R3HCC1L: variants seen among roughly 807,000 people sequenced by gnomAD.
R3HCC1L encodes coiled-coil domain-containing protein R3HCC1L.
R3HCC1L carries 51 observed loss-of-function variants against 59.9 expected under a neutral mutation model. The observed-to-expected ratio is 0.85, with a 90% CI of 0.68 to 1.07. The LOEUF (loss-of-function observed/expected upper bound fraction) is 1.07. Among genes scored for constraint, R3HCC1L ranks in the 50% least tolerant of loss-of-function variants. R3HCC1L has a pLI of 0.00. For missense variants in R3HCC1L, 965 were observed against 933.0 expected (o/e 1.03, Z -0.45); for synonymous variants, 322 against 315.2 (o/e 1.02, Z -0.23).
rs144909368 is a variant in R3HCC1L at position 98,198,117 on chromosome 10, C to T, written c.-14-9984C>T. 4.6e-4 allele frequency among the ~76,000 whole-genome samples: 70 copies of T among 152,082 alleles called. 2 individuals are homozygous for T. The highest frequency in any genetic ancestry group is 1.3e-3 in the African/African-American group (54 of 41,500). On this transcript the variant is annotated intron_variant, in intron 4 of 9. Coordinates refer to ENST00000298999, the MANE Select transcript of R3HCC1L (RefSeq NM_001351015.2). ...TGAAATATCAGGGATAGTGACTTCCCGGGTTTTGGCTTGAACAAATGGGCT... is the reference window on the plus strand; with the variant it reads ...TGAAATATCAGGGATAGTGACTTCCTGGGTTTTGGCTTGAACAAATGGGCT...
chr10:98,150,816 T>C (rs7083015), intron 1 of R3HCC1L, among the ~76,000 whole-genome samples: 3,754 of 152,246 alleles, frequency 0.025, 146 homozygotes, highest in African/African-American at 0.081. Flanking sequence ...CCCCCTCCCC[T>C]CTTTGTCTCT....
intron 4 of R3HCC1L, among the ~76,000 whole-genome samples, chr10:98,179,044 T>C (rs1489239174): frequency 2.6e-5 from 4 of 152,214 alleles, no homozygotes; most frequent in Non-Finnish European, 5.9e-5. Context: ...CCTAATTGAA[T>C]ACCCTTTATT....
chr10:98,201,313 A>G (rs536894135), intron 4 of R3HCC1L, among the ~76,000 whole-genome samples: 1 of 152,322 alleles, frequency 6.6e-6, no homozygotes, highest in South Asian at 2.1e-4. Context: ...TGAATGCTTT[A>G]TATAAATATC....
chr10:98,239,698 ATTAT>A (rs752882499), intron 9 of R3HCC1L, among the ~76,000 whole-genome samples: 3 of 151,866 alleles, frequency 2.0e-5, no homozygotes, highest in African/African-American at 4.8e-5. Context: ...CTCTACTTTG[ATTAT>A]TTATTTATTT....
intron 4 of R3HCC1L, among the ~76,000 whole-genome samples, chr10:98,183,825 C>T (rs1590607221): frequency 6.6e-6 from 1 of 152,270 alleles, no homozygotes; most frequent in East Asian, 1.9e-4. Context: ...AATTACACAT[C>T]TGCGTATGCA....
At chr10:98,216,440 G>A (rs1371736060) in intron 5 of R3HCC1L, among the ~76,000 whole-genome samples, 1 of 152,140 alleles carries the variant, frequency 6.6e-6, no homozygotes, top group Non-Finnish European at 1.5e-5. Flanking sequence ...CTTGAGCCCA[G>A]GAGGCAGACG....
chr10:98,161,345 A>AT (rs1847396931), intron 2 of R3HCC1L, among the ~76,000 whole-genome samples: 1 of 151,918 alleles, frequency 6.6e-6, no homozygotes. Context: ...ATATATCTTC[A>AT]TTTTTCCATC....
chr10:98,211,344 CA>C, intron 5 of R3HCC1L: 1 of 1,533,166 alleles, frequency 6.5e-7, no homozygotes, highest in Non-Finnish European at 8.7e-7. Flanking sequence ...AACCACTGCT[CA>C]AAGGTAATAC....
intron 4 of R3HCC1L, among the ~76,000 whole-genome samples, chr10:98,167,396 C>G (rs190649241): frequency 6.6e-6 from 1 of 152,310 alleles, no homozygotes; most frequent in East Asian, 1.9e-4. Context: ...TTCACACCTG[C>G]TGGTATAGCT....
chr10:98,186,536 G>A, intron 4 of R3HCC1L: 3 of 979,858 alleles, frequency 3.1e-6, no homozygotes, highest in Non-Finnish European at 3.6e-6. Flanking sequence ...GAGTGTTCAA[G>A]TCTTCTGAGA....
Position 98,236,027 on chromosome 10 carries a change from T to C in R3HCC1L, c.2132T>C (p.Phe711Ser), listed in dbSNP as rs1590839280. 1 of 1,613,090 alleles carries C rather than the reference T, an allele frequency of 6.2e-7. No homozygotes were observed. The highest frequency in any genetic ancestry group is 1.1e-5 in the South Asian group (1 of 91,046). ...TCCCTTCCTTTCTTCGATTCAGAGT[T>C]CCTCCAGCCAGCAAAGGAGCGTCCT... Reference protein sequence around the residue: ...AKAKARAYAEFLQPAKERPET... With the variant: ...AKAKARAYAESLQPAKERPET... Residue 711 changes from phenylalanine (F) to serine (S), a missense_variant, in exon 9 of 10, where the codon TTC becomes TCC. Phe to Ser is a radical substitution (Grantham distance 155). Transcript: ENST00000298999.
rs1186889774 is a variant in R3HCC1L, at chr10:98,208,489, C to T, written c.375C>T (p.Ala125=). 6.2e-7 allele frequency: 1 copy of T among 1,614,080 alleles called. No individual in the cohort carries two copies. The change falls in exon 5 of 10, where the codon GCC becomes GCT. Residue 125 remains alanine (A), a synonymous_variant. Transcript: ENST00000298999. ...TATCCCAAGGACAACAGCAGGGAGCCCCAAATGCTGGGGTTATAACTAATG... is the reference window on the plus strand; with the variant it reads ...TATCCCAAGGACAACAGCAGGGAGCTCCAAATGCTGGGGTTATAACTAATG... ...EVLSQGQQQG[A]PNAGVITNAP...
In R3HCC1L at chr10:98,208,778, A is replaced by G. The variant is rs115631399; in HGVS notation, c.664A>G (p.Arg222Gly). The change falls in exon 5 of 10, where the codon AGA becomes GGA. Residue 222 changes from arginine to glycine, a missense_variant. Transcript: ENST00000298999. ...TTTGGAGATACTATATGAGTTTCCT[A>G]GAGTTTTTAGTTCTGTCATGAAACC... The part of the protein sequence containing the change: ...KVLEILYEFP[R>G]VFSSVMKPEN... 6.6e-4 allele frequency: 1,059 copies of G among 1,614,092 alleles called. 4 individuals carry two copies. In the African/African-American group the frequency reaches 0.013, roughly 19 times the overall value.
chr10:98,169,187 T>C (rs1029669263), intron 4 of R3HCC1L, among the ~76,000 whole-genome samples: 11 of 152,224 alleles, frequency 7.2e-5, no homozygotes, highest in Admixed American at 6.5e-4. Context: ...TGAACTCTTT[T>C]TGGTTGTTTT....
In R3HCC1L at chr10:98,231,493, C is replaced by T. The variant is rs781505860; in HGVS notation, c.1786-19C>T. Reference sequence around the variant, plus strand: ...CAGGTTTAATGTAACCGGCACTTAACGTGCTTCTTCCTTTCTAGTTATCAG... The same window carrying T: ...CAGGTTTAATGTAACCGGCACTTAATGTGCTTCTTCCTTTCTAGTTATCAG... On this transcript the variant is annotated intron_variant, in intron 5 of 9. Transcript: ENST00000298999. 14 of 1,603,328 alleles carry T rather than the reference C, an allele frequency of 8.7e-6. No homozygotes were observed. In the South Asian group the frequency reaches 9.0e-5, roughly 10 times the overall value.
chr10:98,240,743 G>C (rs1021878335), intron 9 of R3HCC1L, among the ~76,000 whole-genome samples: 23 of 150,528 alleles, frequency 1.5e-4, no homozygotes, highest in African/African-American at 5.6e-4. Context: ...TAGGTCTTAG[G>C]GTATTTTCTT....
At chr10:98,175,055 A>G (rs1212601506) in intron 4 of R3HCC1L, among the ~76,000 whole-genome samples, 1 of 152,178 alleles carries the variant, frequency 6.6e-6, no homozygotes, top group Non-Finnish European at 1.5e-5. Context: ...AAAGGAGACC[A>G]AGTTTCTCAT....
chr10:98,182,638 C>T (rs931937965), intron 4 of R3HCC1L, among the ~76,000 whole-genome samples: 1 of 152,164 alleles, frequency 6.6e-6, no homozygotes, highest in African/African-American at 2.4e-5. Flanking sequence ...TGCCCTGCCC[C>T]CAGAGGTGGA....
intron 1 of R3HCC1L, among the ~76,000 whole-genome samples, chr10:98,138,328 T>G (rs1340236321): frequency 1.3e-5 from 2 of 152,182 alleles, no homozygotes; most frequent in African/African-American, 4.8e-5. Context: ...GCTATGACAA[T>G]AGAAAGTCAC....
Sources: allele counts gnomAD v4.1 joint callset (sites outside exome capture counted in the v4.1 genomes callset), GRCh38; gene constraint gnomAD v4.1.1; transcripts MANE v1.5; gene names NCBI Gene and HGNC (gene_info 2026-07-23, HGNC 2026-07-21).